C6: variants seen among roughly 807,000 people sequenced by gnomAD.
C6 encodes the protein complement C6.
Under a neutral mutation model 112.9 loss-of-function variants are expected in C6, and 101 were observed. The ratio of observed to expected loss-of-function variants is 0.89; its 90% CI spans 0.76 to 1.06. The LOEUF (loss-of-function observed/expected upper bound fraction) is 1.06. Among genes scored for constraint, C6 ranks in the 50% least tolerant of loss-of-function variants. The pLI is 0.00. For missense variants in C6, 1,202 were observed against 1,104.6 expected, an observed-to-expected ratio of 1.09 and a Z score of -1.25; for synonymous variants, 431 against 384.1, an observed-to-expected ratio of 1.12 and a Z score of -1.43.
At chr5:41,234,301 T>C (rs4957152) in intron 1 of C6, among the ~76,000 whole-genome samples, 26,350 of 151,582 alleles carry the variant, frequency 0.17, 2,789 homozygotes, top group South Asian at 0.35. Context: ...AATCCTAGAA[T>C]ATTCCAGTGT....
At chr5:41,150,685 G>A (rs564573903) in intron 15 of C6, among the ~76,000 whole-genome samples, 40 of 152,050 alleles carry the variant, frequency 2.6e-4, no homozygotes, top group African/African-American at 9.4e-4. Flanking sequence ...TCAGGAGTTC[G>A]AGAACAGCCT....
At position 41,205,577 on chromosome 5, in the gene C6, C is replaced by T. The variant is rs184291347; in HGVS notation, c.-20-2327G>A. On this transcript the variant is annotated intron_variant, in intron 1 of 17. Transcript: ENST00000337836. ...AATGGCACACCAGGAGATTATATCC[C>T]GCACCTGGCTCGGAGAGTCCCACAC... 2.7e-4 allele frequency among the ~76,000 whole-genome samples: 41 copies of T among 152,308 alleles called. No individual in the cohort carries two copies. The East Asian group carries it at 4.2e-3, about 16-fold the overall frequency.
At chr5:41,164,483 G>A (rs1217076717) in intron 9 of C6, among the ~76,000 whole-genome samples, 1 of 152,132 alleles carries the variant, frequency 6.6e-6, no homozygotes, top group Non-Finnish European at 1.5e-5. Context: ...CCAGGGAGGG[G>A]GAAGAACAGC....
chr5:41,195,718 G>A, intron 5 of C6, 74 bp downstream of exon 5: 1 of 1,420,486 alleles, frequency 7.0e-7, no homozygotes, highest in East Asian at 2.3e-5. Context: ...GGACAATGAT[G>A]TATCTCATTG....
chr5:41,242,605 T>A (rs1740787355), intron 1 of C6, among the ~76,000 whole-genome samples: 1 of 152,224 alleles, frequency 6.6e-6, no homozygotes, highest in African/African-American at 2.4e-5. Flanking sequence ...AATGTTTTCT[T>A]AATTAAGAAA....
intron 1 of C6, among the ~76,000 whole-genome samples, chr5:41,251,918 T>C (rs1355542909): frequency 6.6e-6 from 1 of 151,968 alleles, no homozygotes; most frequent in Non-Finnish European, 1.5e-5. Context: ...AAAGATATGG[T>C]TGGGAAATAA....
intron 1 of C6, among the ~76,000 whole-genome samples, chr5:41,222,790 T>A (rs1739260743): frequency 6.6e-6 from 1 of 152,198 alleles, no homozygotes; most frequent in African/African-American, 2.4e-5. Flanking sequence ...TCTATTTTCC[T>A]TGTCCTTCGG....
intron 16 of C6, 96 bp downstream of exon 16, chr5:41,149,839 A>T: frequency 1.2e-6 from 1 of 837,812 alleles, no homozygotes; most frequent in South Asian, 1.4e-5. Context: ...CATTTATTTC[A>T]TGTCTGTGCT....
intron 1 of C6, among the ~76,000 whole-genome samples, chr5:41,234,658 T>C (rs1266678806): frequency 6.6e-6 from 1 of 152,132 alleles, no homozygotes; most frequent in Non-Finnish European, 1.5e-5. Flanking sequence ...CTGCACAGTT[T>C]GGGAAAACAG....
At chr5:41,260,615 CA>C (rs983973695) in intron 1 of C6, among the ~76,000 whole-genome samples, 70 of 150,064 alleles carry the variant, frequency 4.7e-4, no homozygotes, top group Middle Eastern at 3.4e-3. Context: ...ACTAAAAATA[CA>C]AAAAAAAATT....
intron 5 of C6, among the ~76,000 whole-genome samples, chr5:41,191,356 C>T (rs1430807758): frequency 6.6e-6 from 1 of 152,132 alleles, no homozygotes; most frequent in Admixed American, 6.5e-5. Flanking sequence ...GCCAGCACTC[C>T]AGGCCTGTTC....
chr5:41,180,437 A>T (rs1231022594), intron 7 of C6, among the ~76,000 whole-genome samples: 1 of 152,192 alleles, frequency 6.6e-6, no homozygotes, highest in Admixed American at 6.6e-5. Context: ...TAAATCATTT[A>T]AACACTGTGA....
At chr5:41,203,486 A>C in intron 1 of C6, 1 of 476,554 alleles carries the variant, frequency 2.1e-6, no homozygotes, top group South Asian at 2.1e-5. Context: ...AGTTTCTTCA[A>C]ACGGTTAGTG....
In C6 at chr5:41,213,456, A is replaced by G. The variant is rs1752067346; in HGVS notation, c.-101T>C. ...AATAGGTATGCAGAATGAAGAGGGT[A>G]TATATGTTAATCCAAACAAAGCTTC... On this transcript the variant is annotated 5_prime_UTR_variant, in exon 1 of 18. Transcript: ENST00000337836. 1 of 985,378 alleles carries G rather than the reference A, an allele frequency of 1.0e-6. No individual in the cohort carries two copies. The highest frequency in any genetic ancestry group is 1.2e-6 in the Non-Finnish European group (1 of 829,892). 61.0% of individuals were successfully genotyped at this position (985,378 alleles called of 1,614,324 possible). A position where few individuals can be genotyped will look rare whatever the true frequency, so the allele number is the denominator to read the frequency against.
In C6 at chr5:41,172,355, A is replaced by T; in HGVS notation, c.1169-8T>A. On this transcript the variant is annotated splice_polypyrimidine_tract_variant and splice_region_variant and intron_variant, in intron 8 of 17. Transcript: ENST00000337836. Reference sequence around the variant, plus strand: ...CTTCTTCCTCGGTTAAACCTAGGAGATGAAGTACAAACAGAAACCACTGAG... The same window carrying T: ...CTTCTTCCTCGGTTAAACCTAGGAGTTGAAGTACAAACAGAAACCACTGAG... 1.2e-6 allele frequency: 2 copies of T among 1,613,248 alleles called. No individual in the cohort carries two copies. Among genetic ancestry groups the T allele is most frequent in the Non-Finnish European group, 1.7e-6 (2 of 1,179,498 alleles).
chr5:41,198,485 G>C (rs888562041), intron 4 of C6, among the ~76,000 whole-genome samples: 1 of 152,124 alleles, frequency 6.6e-6, no homozygotes, highest in Non-Finnish European at 1.5e-5. Context: ...TAGGGATTTT[G>C]GGCTCTGGGA....
At chr5:41,232,596 A>G (rs2962283) in intron 1 of C6, among the ~76,000 whole-genome samples, 106,722 of 151,962 alleles carry the variant, frequency 0.7, 37,582 homozygotes, top group African/African-American at 0.73. Flanking sequence ...GCAGGTATGC[A>G]TTGTTTCTGA....
At chr5:41,145,244 T>C (rs1023652043) in intron 17 of C6, among the ~76,000 whole-genome samples, 2 of 152,218 alleles carry the variant, frequency 1.3e-5, no homozygotes, top group Non-Finnish European at 2.9e-5. Context: ...TTTAGTGGTG[T>C]AAACTTGTCA....
chr5:41,148,683 A>G (rs1746080858), intron 17 of C6, among the ~76,000 whole-genome samples: 1 of 152,128 alleles, frequency 6.6e-6, no homozygotes, highest in Non-Finnish European at 1.5e-5. Context: ...TGGGGAGGAG[A>G]AGCAGTAGAG....
Sources: gnomAD v4.1 joint callset for allele counts (sites outside exome capture counted in the v4.1 genomes callset) on GRCh38, gnomAD v4.1.1 for gene constraint, MANE v1.5 for transcripts, NCBI Gene and HGNC (gene_info 2026-07-23, HGNC 2026-07-21) for gene names.